Variants in EDA observed in about 807,000 individuals in gnomAD.
The protein encoded by EDA is ectodysplasin-A.
In EDA, 2 loss-of-function variants were observed where a neutral mutation model predicts 23.6. The ratio of observed to expected loss-of-function variants is 0.08; its 90% CI spans 0.03 to 0.27. The LOEUF is 0.27. Ranked by LOEUF, EDA falls within the 10% of genes least tolerant of loss-of-function variation. The probability of loss-of-function intolerance (pLI) is 1.00; values close to 1 mark genes in which losing one functional copy is unlikely to be tolerated. For missense variants in EDA, 229 were observed against 324.2 expected (o/e 0.71, Z 2.26); for synonymous variants, 131 against 132.0 (o/e 0.99, Z 0.05).
intron 7 of EDA, among the ~76,000 whole-genome samples, 179 bp from the exon 8 acceptor site, chrX:70,035,179 A>T (rs1192645055): frequency 8.9e-6 from 1 of 111,960 alleles, no homozygotes; most frequent in Non-Finnish European, 1.9e-5. Context: ...TAGGGGAAGA[A>T]CAATGCCTGT....
intron 1 of EDA, among the ~76,000 whole-genome samples, chrX:69,680,187 AGTTT>A (rs1157611539): frequency 1.0e-5 from 1 of 99,231 alleles, no homozygotes; most frequent in Non-Finnish European, 2.0e-5. Context: ...TCTGAGAGAT[AGTTT>A]GTTATAATTT....
intron 2 of EDA, among the ~76,000 whole-genome samples, chrX:69,989,936 C>CTTTTTT (rs760347264): frequency 4.1e-4 from 29 of 70,706 alleles, no homozygotes; most frequent in African/African-American, 1.4e-3. Context: ...GTTAGGCTTT[C>CTTTTTT]TTTTTTTTTT....
intron 1 of EDA, among the ~76,000 whole-genome samples, chrX:69,943,217 AG>A (rs1319802456): frequency 9.0e-6 from 1 of 111,371 alleles, no homozygotes; most frequent in Admixed American, 9.5e-5. Context: ...TCATTTGGTA[AG>A]GTCTTGATGC....
At chrX:69,714,320 G>A (rs2012224039) in intron 1 of EDA, among the ~76,000 whole-genome samples, 1 of 110,661 alleles carries the variant, frequency 9.0e-6, no homozygotes, top group Admixed American at 9.7e-5. Context: ...CAAATATGTG[G>A]TTTGGAAATA....
chrX:69,934,371 T>C (rs6624447), intron 1 of EDA, among the ~76,000 whole-genome samples: 10,274 of 111,085 alleles, frequency 0.092, 1,070 homozygotes, highest in East Asian at 0.7. Context: ...AATGAATTTC[T>C]CATATTTCAT....
intron 1 of EDA, among the ~76,000 whole-genome samples, chrX:69,645,834 T>C (rs1200271923): frequency 9.2e-6 from 1 of 108,905 alleles, no homozygotes; most frequent in African/African-American, 3.4e-5. Context: ...TTTAGTGGTA[T>C]AAATTTCCCT....
chrX:69,748,772 G>C (rs1056411618), intron 1 of EDA, among the ~76,000 whole-genome samples: 8 of 111,212 alleles, frequency 7.2e-5, no homozygotes, highest in African/African-American at 2.6e-4. Context: ...TGTAAAATAA[G>C]GATGTAGAGC....
chrX:69,870,880 G>A (rs2017555638), intron 1 of EDA, among the ~76,000 whole-genome samples: 1 of 111,501 alleles, frequency 9.0e-6, no homozygotes, highest in African/African-American at 3.3e-5. Context: ...CTCTCACTCA[G>A]GGCAATCTTA....
intron 1 of EDA, among the ~76,000 whole-genome samples, chrX:69,770,019 G>A (rs1351956118): frequency 1.8e-5 from 2 of 111,647 alleles, no homozygotes; most frequent in Admixed American, 1.9e-4. Flanking sequence ...GCGTATGTAT[G>A]TCCTTTTGAG....
chrX:69,785,842 T>C (rs1450944129), intron 1 of EDA, among the ~76,000 whole-genome samples: 2 of 108,118 alleles, frequency 1.8e-5, no homozygotes, highest in East Asian at 5.7e-4. Flanking sequence ...CTTTTTCTAT[T>C]GATTGGAATA....
intron 1 of EDA, among the ~76,000 whole-genome samples, chrX:69,877,917 T>A (rs924145884): frequency 8.9e-6 from 1 of 112,609 alleles, no homozygotes; most frequent in Non-Finnish European, 1.9e-5. Context: ...TTGTTGAGAC[T>A]ATTCTTTCCC....
At chrX:69,763,943 A>T (rs2014387547) in intron 1 of EDA, among the ~76,000 whole-genome samples, 1 of 111,414 alleles carries the variant, frequency 9.0e-6, no homozygotes, top group African/African-American at 3.3e-5. Flanking sequence ...ACTAGCGTTG[A>T]CCTGCTAGAG....
At chrX:69,671,740 G>A in intron 1 of EDA, among the ~76,000 whole-genome samples, 1 of 111,808 alleles carries the variant, frequency 8.9e-6, no homozygotes, top group Admixed American at 9.5e-5. Flanking sequence ...GATGTTCTCT[G>A]GTGCTCTCCT....
intron 1 of EDA, among the ~76,000 whole-genome samples, chrX:69,799,920 C>T (rs1285360720): frequency 3.6e-5 from 4 of 112,026 alleles, no homozygotes; most frequent in Non-Finnish European, 5.6e-5. Flanking sequence ...CATGCACGCT[C>T]ATGTTTATTG....
rs201496653 is a variant in EDA, at chrX:69,616,384, G to T, written c.76G>T (p.Gly26Trp). The T allele has an allele frequency of 5.0e-6, 6 of 1,203,116 alleles. No individual in the cohort carries two copies. In the East Asian group the frequency reaches 1.5e-4, roughly 30 times the overall value. ...GCGGGAGCGAGGGAGCCAGGGCTGCGGGTGTGGCGGGGCCCCTGCCCGGGC... is the reference window on the plus strand; with the variant it reads ...GCGGGAGCGAGGGAGCCAGGGCTGCTGGTGTGGCGGGGCCCCTGCCCGGGC... The part of the protein sequence containing the change: ...APRERGSQGC[G>W]CGGAPARAGE... The change falls in exon 1 of 8, where the codon GGG becomes TGG. Residue 26 changes from glycine to tryptophan, a missense_variant. By Grantham distance (184) the Gly-to-Trp change is radical. Transcript: ENST00000374552.
chrX:69,824,174 A>G (rs1478191608), intron 1 of EDA, among the ~76,000 whole-genome samples: 1 of 108,891 alleles, frequency 9.2e-6, no homozygotes, highest in South Asian at 4.0e-4. Context: ...TTGACTTGGC[A>G]ATGCAGGCTC....
chrX:70,027,024 C>T (rs375529183), intron 3 of EDA, among the ~76,000 whole-genome samples: 141 of 111,409 alleles, frequency 1.3e-3, no homozygotes, highest in African/African-American at 3.7e-3. Context: ...CCAGGCTGTA[C>T]GGCTTCCTCT....
chrX:70,014,767 C>A (rs1357527018), intron 2 of EDA, among the ~76,000 whole-genome samples: 2 of 112,199 alleles, frequency 1.8e-5, no homozygotes, highest in Middle Eastern at 9.2e-3. Context: ...TCTCATAATG[C>A]AATTGCAAGT....
intron 1 of EDA, among the ~76,000 whole-genome samples, chrX:69,830,336 T>C (rs1278824715): frequency 1.8e-5 from 2 of 111,850 alleles, no homozygotes; most frequent in African/African-American, 6.5e-5. Context: ...TGTGGATTCT[T>C]AGTCCTTTGA....
Sources: allele counts gnomAD v4.1 joint callset (sites outside exome capture counted in the v4.1 genomes callset), GRCh38; gene constraint gnomAD v4.1.1; transcripts MANE v1.5; gene names NCBI Gene and HGNC (gene_info 2026-07-23, HGNC 2026-07-21).